TGFBR3: variants seen among roughly 807,000 people sequenced by gnomAD.
TGFBR3 encodes transforming growth factor beta receptor 3, also known as transforming growth factor beta receptor type 3.
Under a neutral mutation model 87.9 loss-of-function variants are expected in TGFBR3, and 46 were observed. The ratio of observed to expected loss-of-function variants is 0.52; its 90% CI spans 0.41 to 0.67. The LOEUF (loss-of-function observed/expected upper bound fraction) is 0.67, where lower values mean the gene tolerates loss of function less well. Ranked by LOEUF, TGFBR3 falls within the 30% of genes least tolerant of loss-of-function variation. The pLI, the probability that TGFBR3 is intolerant of heterozygous loss-of-function variation, is 0.00. For synonymous variants in TGFBR3, 381 were observed against 391.6 expected (o/e 0.97, Z 0.32); for missense variants, 866 against 1,041.9 (o/e 0.83, Z 2.32).
intron 16 of TGFBR3, 48 bp from the exon 17 acceptor site, chr1:91,683,905 G>T: frequency 6.8e-7 from 1 of 1,469,592 alleles, no homozygotes; most frequent in African/African-American, 1.4e-5. Flanking sequence ...CGCATATTAT[G>T]TATGTGCATT....
chr1:91,871,933 TAATA>T (rs1678595246), intron 1 of TGFBR3, among the ~76,000 whole-genome samples: 1 of 152,226 alleles, frequency 6.6e-6, no homozygotes, highest in Non-Finnish European at 1.5e-5. Context: ...CTAACTAAAT[TAATA>T]AATAAAGCAC....
chr1:91,888,634 A>G (rs891535573), upstream of TGFBR3, among the ~76,000 whole-genome samples: 2 of 152,118 alleles, frequency 1.3e-5, no homozygotes, highest in African/African-American at 4.8e-5. Context: ...CCCAGGAGGC[A>G]GAGGTTGCAG....
chr1:91,836,825 C>T (rs577170697), intron 2 of TGFBR3, among the ~76,000 whole-genome samples: 3 of 152,106 alleles, frequency 2.0e-5, no homozygotes, highest in East Asian at 3.9e-4. Flanking sequence ...AACACATACA[C>T]GCTGCATTAG....
At position 91,874,260 on chromosome 1, in the gene TGFBR3, T is replaced by C. The variant is rs59276429; in HGVS notation, c.-114+11618A>G. The stretch of plus-strand genomic sequence containing the variant: ...ACCTAACAGAAGCGAATTCTGTAGC[T>C]ATTTGGGGAAAAACATTCCAAGCAA... On this transcript the variant is annotated intron_variant, in intron 1 of 16. Transcript: ENST00000212355. Among the ~76,000 whole-genome samples, 350 of 152,296 alleles carry C rather than the reference T, an allele frequency of 2.3e-3. 2 individuals carry two copies. The highest frequency in any genetic ancestry group is 8.1e-3 in the African/African-American group (336 of 41,548).
chr1:91,716,543 C>A, intron 11 of TGFBR3, 25 bp downstream of exon 11: 2 of 1,614,054 alleles, frequency 1.2e-6, no homozygotes, highest in Non-Finnish European at 1.7e-6. Flanking sequence ...TTTCCACAAA[C>A]CCCCTACTGA....
At chr1:91,700,099 G>A (rs549343717) in intron 14 of TGFBR3, among the ~76,000 whole-genome samples, 1 of 152,284 alleles carries the variant, frequency 6.6e-6, no homozygotes, top group African/African-American at 2.4e-5. Context: ...CTGCTTTCAT[G>A]CTGTAACAGC....
chr1:91,888,202 C>A, upstream of TGFBR3, among the ~76,000 whole-genome samples: 1 of 152,220 alleles, frequency 6.6e-6, no homozygotes, highest in Non-Finnish European at 1.5e-5. Context: ...CTTGCTCCTC[C>A]TTACCTTCTG....
chr1:91,773,293 A>C (rs1056691785), intron 3 of TGFBR3, among the ~76,000 whole-genome samples: 2 of 151,970 alleles, frequency 1.3e-5, no homozygotes, highest in African/African-American at 4.8e-5. Flanking sequence ...GTCTCCCCAT[A>C]AATGAAAAGG....
chr1:91,697,788 C>T (rs1257294925), intron 15 of TGFBR3, among the ~76,000 whole-genome samples: 2 of 152,178 alleles, frequency 1.3e-5, no homozygotes, highest in South Asian at 4.1e-4. Context: ...CATAAGCATG[C>T]AAGTCATTAA....
chr1:91,692,661 G>C (rs61778510), intron 16 of TGFBR3, among the ~76,000 whole-genome samples: 1 of 152,110 alleles, frequency 6.6e-6, no homozygotes, highest in East Asian at 1.9e-4. Context: ...CCTCTCTACA[G>C]CATCTTAGGA....
At chr1:91,760,725 C>A (rs1029492310) in intron 3 of TGFBR3, among the ~76,000 whole-genome samples, 1 of 152,178 alleles carries the variant, frequency 6.6e-6, no homozygotes, top group Non-Finnish European at 1.5e-5. Flanking sequence ...TCAAGTACAG[C>A]TACAGCAAAG....
At chr1:91,828,064 A>G (rs1478444749) in intron 2 of TGFBR3, among the ~76,000 whole-genome samples, 1 of 152,206 alleles carries the variant, frequency 6.6e-6, no homozygotes, top group East Asian at 1.9e-4. Flanking sequence ...CCGGCTCTTC[A>G]GATCACGCTG....
intron 16 of TGFBR3, chr1:91,695,420 T>C (rs1333049428): frequency 3.0e-5 from 14 of 474,390 alleles, no homozygotes; most frequent in South Asian, 1.7e-4. Context: ...AACAACAAAG[T>C]AGCTTTATTA....
chr1:91,835,246 C>T (rs1416828144), intron 2 of TGFBR3, among the ~76,000 whole-genome samples: 2 of 152,168 alleles, frequency 1.3e-5, no homozygotes, highest in Admixed American at 6.5e-5. Context: ...ACACACCATC[C>T]GGCCACTTTT....
chr1:91,790,486 G>C (rs973698816), intron 3 of TGFBR3, among the ~76,000 whole-genome samples: 3 of 152,178 alleles, frequency 2.0e-5, no homozygotes, highest in African/African-American at 4.8e-5. Flanking sequence ...TTAAGGACTG[G>C]TGGAAAACTA....
chr1:91,822,192 A>G (rs1316886757), intron 2 of TGFBR3, among the ~76,000 whole-genome samples: 1 of 151,190 alleles, frequency 6.6e-6, no homozygotes, highest in Non-Finnish European at 1.5e-5. Flanking sequence ...GAATCTGGAG[A>G]GATGATAGAC....
At chr1:91,774,455 G>C (rs1210641779) in intron 3 of TGFBR3, among the ~76,000 whole-genome samples, 1 of 152,106 alleles carries the variant, frequency 6.6e-6, no homozygotes, top group African/African-American at 2.4e-5. Flanking sequence ...TTTTCAATGA[G>C]AGAGTTGTAT....
chr1:91,716,738 T>C lies in TGFBR3; in HGVS notation c.1567-30A>G, dbSNP rs750847480. 3.1e-6 allele frequency: 5 copies of C among 1,613,826 alleles called. No homozygotes were observed. The East Asian group carries it at 1.1e-4, about 36-fold the overall frequency. On this transcript the variant is annotated intron_variant, in intron 10 of 16. Coordinates refer to ENST00000212355, the MANE Select transcript of TGFBR3 (RefSeq NM_003243.5). Reference sequence around the variant, plus strand: ...AAGGCAAAGAAAGCACAGCCAATGTTATAAAAACACCAAACCATGTGTGTT... The same window carrying C: ...AAGGCAAAGAAAGCACAGCCAATGTCATAAAAACACCAAACCATGTGTGTT...
chr1:91,720,717 A>G (rs543260458), intron 8 of TGFBR3, among the ~76,000 whole-genome samples: 2 of 152,370 alleles, frequency 1.3e-5, no homozygotes, highest in East Asian at 3.9e-4. Flanking sequence ...AGCTAGAAAA[A>G]TCTGTGATTT....
Sources: gnomAD v4.1 joint callset for allele counts (sites outside exome capture counted in the v4.1 genomes callset) on GRCh38, gnomAD v4.1.1 for gene constraint, MANE v1.5 for transcripts, NCBI Gene and HGNC (gene_info 2026-07-23, HGNC 2026-07-21) for gene names.